The following SYN3 variants were observed in gnomAD, a reference collection of about 807,000 sequenced individuals.
SYN3 encodes the protein synapsin-3.
In SYN3, 35 loss-of-function variants were observed where a neutral mutation model predicts 65.8. That is an observed-to-expected ratio of 0.53 (90% CI 0.41 to 0.70). SYN3 has a LOEUF of 0.70. Among genes scored for constraint, SYN3 ranks in the 30% least tolerant of loss-of-function variants. SYN3 has a pLI of 0.00. For missense variants in SYN3, 680 were observed against 749.0 expected, an observed-to-expected ratio of 0.91 and a Z score of 1.08; for synonymous variants, 270 against 292.9, an observed-to-expected ratio of 0.92 and a Z score of 0.80.
At chr22:32,768,174 C>T (rs1237381179) in intron 6 of SYN3, among the ~76,000 whole-genome samples, 1 of 152,126 alleles carries the variant, frequency 6.6e-6, no homozygotes, top group Non-Finnish European at 1.5e-5. Flanking sequence ...CTTTGCATTT[C>T]TGCTAAGTGC....
rs149716190 is a variant in SYN3, at chr22:32,607,924, C to T, written c.712-11188G>A. Reference sequence around the variant, plus strand: ...AAATGACGGGGAAGCGAAGACCACCCTGAGCCACATGGATACACGCAGCTG... The same window carrying T: ...AAATGACGGGGAAGCGAAGACCACCTTGAGCCACATGGATACACGCAGCTG... On this transcript the variant is annotated intron_variant, in intron 6 of 13. Transcript: ENST00000358763. 1.8e-3 allele frequency among the ~76,000 whole-genome samples: 267 copies of T among 152,336 alleles called. 1 individual carries two copies. The highest frequency in any genetic ancestry group is 6.1e-3 in the African/African-American group (253 of 41,586).
intron 1 of SYN3, among the ~76,000 whole-genome samples, chr22:33,018,306 G>C (rs1183074469): frequency 6.6e-6 from 1 of 152,178 alleles, no homozygotes; most frequent in African/African-American, 2.4e-5. Context: ...TAATCTGATG[G>C]CAAGACAAGG....
At chr22:32,945,804 C>G (rs1319466156) in intron 3 of SYN3, among the ~76,000 whole-genome samples, 1 of 152,162 alleles carries the variant, frequency 6.6e-6, no homozygotes, top group African/African-American at 2.4e-5. Flanking sequence ...TGACAAAGGG[C>G]TAATATCCAG....
intron 4 of SYN3, among the ~76,000 whole-genome samples, chr22:32,926,772 G>T (rs2050485288): frequency 6.6e-6 from 1 of 152,134 alleles, no homozygotes; most frequent in African/African-American, 2.4e-5. Flanking sequence ...TACATACACT[G>T]GTGACACAAA....
chr22:32,769,478 A>C (rs130529), intron 6 of SYN3, among the ~76,000 whole-genome samples: 141,891 of 151,544 alleles, frequency 0.94, 66,531 homozygotes, highest in African/African-American at 0.97. Flanking sequence ...AACTCAGTCA[A>C]CTTTGCCGGT....
intron 6 of SYN3, among the ~76,000 whole-genome samples, chr22:32,797,593 G>T (rs563465346): frequency 6.6e-6 from 1 of 152,074 alleles, no homozygotes; most frequent in Non-Finnish European, 1.5e-5. Flanking sequence ...GCAGGTGAAC[G>T]CATAACTACA....
intron 12 of SYN3, among the ~76,000 whole-genome samples, chr22:32,520,121 G>A (rs901458428): frequency 6.6e-6 from 1 of 152,076 alleles, no homozygotes; most frequent in Non-Finnish European, 1.5e-5. Flanking sequence ...GTGTGTGTGT[G>A]CGTGTATATA....
At chr22:32,879,819 T>C (rs1040445798) in intron 4 of SYN3, among the ~76,000 whole-genome samples, 1 of 152,178 alleles carries the variant, frequency 6.6e-6, no homozygotes, top group Non-Finnish European at 1.5e-5. Context: ...TCCTGGTCCA[T>C]ATAAAGTCAA....
chr22:32,665,952 C>T (rs931224925), intron 6 of SYN3, among the ~76,000 whole-genome samples: 3 of 152,170 alleles, frequency 2.0e-5, no homozygotes. Flanking sequence ...CGAAATCACA[C>T]ACTATATCTG....
chr22:32,602,448 G>C (rs573731418), intron 6 of SYN3, among the ~76,000 whole-genome samples: 1 of 151,928 alleles, frequency 6.6e-6, no homozygotes, highest in Non-Finnish European at 1.5e-5. Flanking sequence ...TTTTTGTTTT[G>C]TTTTGTTTTG....
intron 6 of SYN3, among the ~76,000 whole-genome samples, chr22:32,664,409 T>G (rs920511265): frequency 1.3e-4 from 20 of 152,246 alleles, no homozygotes; most frequent in Admixed American, 6.5e-4. Flanking sequence ...GGTGTTTTAG[T>G]CCTTGTCTTT....
intron 6 of SYN3, among the ~76,000 whole-genome samples, chr22:32,780,078 A>AAAAAAAAAAAAAAAAAAAAAG (rs1359453939): frequency 1.9e-5 from 1 of 52,648 alleles, no homozygotes; most frequent in Non-Finnish European, 3.8e-5. Context: ...CAAAAAAAAA[A>AAAAAAAAAAAAAAAAAAAAAG]AGAGAGAGAA....
chr22:32,922,331 C>T (rs2050356372), intron 4 of SYN3, among the ~76,000 whole-genome samples: 1 of 152,176 alleles, frequency 6.6e-6, no homozygotes, highest in Non-Finnish European at 1.5e-5. Flanking sequence ...ATTGGTGTTT[C>T]AGCCTTTTTA....
At chr22:32,675,084 G>A (rs1382334720) in intron 6 of SYN3, among the ~76,000 whole-genome samples, 1 of 152,152 alleles carries the variant, frequency 6.6e-6, no homozygotes, top group East Asian at 1.9e-4. Context: ...CTTGTTTCAT[G>A]GAAGAAACAA....
At chr22:32,553,703 C>T (rs9606980) in intron 7 of SYN3, among the ~76,000 whole-genome samples, 3 of 152,194 alleles carry the variant, frequency 2.0e-5, no homozygotes, top group African/African-American at 7.2e-5. Flanking sequence ...TCAGCCTACT[C>T]TGGCCTTTTG....
chr22:32,606,798 AT>A (rs1305420612), intron 6 of SYN3, among the ~76,000 whole-genome samples: 1 of 136,918 alleles, frequency 7.3e-6, no homozygotes, highest in Non-Finnish European at 1.6e-5. Context: ...CCAACTCTTT[AT>A]TTTTTATTTT....
chr22:32,654,531 A>G (rs2060116047), intron 6 of SYN3, among the ~76,000 whole-genome samples: 1 of 152,052 alleles, frequency 6.6e-6, no homozygotes, highest in Non-Finnish European at 1.5e-5. Flanking sequence ...TCCCCTGCCT[A>G]CGTGGCTCAG....
At chr22:33,054,632 T>C (rs948756511) in intron 1 of SYN3, among the ~76,000 whole-genome samples, 1 of 152,226 alleles carries the variant, frequency 6.6e-6, no homozygotes, top group Non-Finnish European at 1.5e-5. Flanking sequence ...TGACCTATTC[T>C]GGATGCTTCA....
rs546625728 is a variant in SYN3 at position 32,526,414 on chromosome 22, T to C, written c.1318+1504A>G. ...GCCATTTGGTGGCCAAGGTTGACTT[T>C]TTTTCACAAAGTAATGAATCTGTTG... On this transcript the variant is annotated intron_variant, in intron 12 of 13. Coordinates refer to ENST00000358763, the MANE Select transcript of SYN3 (RefSeq NM_003490.4). Among the ~76,000 whole-genome samples the C allele has an allele frequency of 6.6e-5, 10 of 152,276 alleles. No individual in the cohort carries two copies. The South Asian group carries it at 1.9e-3, about 28-fold the overall frequency.
Sources: allele counts gnomAD v4.1 joint callset (sites outside exome capture counted in the v4.1 genomes callset), GRCh38; gene constraint gnomAD v4.1.1; transcripts MANE v1.5; gene names NCBI Gene and HGNC (gene_info 2026-07-23, HGNC 2026-07-21).